The following CCSER1 variants were observed in gnomAD, a reference collection of about 807,000 sequenced individuals.
CCSER1 encodes coiled-coil serine rich protein 1.
In CCSER1, 41 loss-of-function variants were observed where a neutral mutation model predicts 82.0. The ratio of observed to expected loss-of-function variants is 0.50; its 90% CI spans 0.39 to 0.65. The LOEUF (loss-of-function observed/expected upper bound fraction) is 0.65, where lower values mean the gene tolerates loss of function less well. CCSER1 is among the 30% of genes least tolerant of loss of function. CCSER1 has a pLI of 0.00. For synonymous variants in CCSER1, 414 were observed against 383.9 expected (o/e 1.08, Z -0.92); for missense variants, 1,119 against 1,064.2 (o/e 1.05, Z -0.72).
intron 10 of CCSER1, among the ~76,000 whole-genome samples, chr4:91,212,943 A>G (rs1736942378): frequency 6.6e-6 from 1 of 151,988 alleles, no homozygotes; most frequent in South Asian, 2.1e-4. Context: ...CTTTATGTCC[A>G]TGTGTATTCA....
At chr4:90,687,407 GA>G (rs903674704) in intron 6 of CCSER1, among the ~76,000 whole-genome samples, 2 of 149,064 alleles carry the variant, frequency 1.3e-5, no homozygotes, top group African/African-American at 2.5e-5. Context: ...CTATTTACAG[GA>G]AAAAAAAATA....
At chr4:90,578,582 CAT>C (rs1468278596) in intron 5 of CCSER1, among the ~76,000 whole-genome samples, 2 of 152,152 alleles carry the variant, frequency 1.3e-5, no homozygotes. Context: ...TTTAAGGACT[CAT>C]GTGATTACAT....
chr4:91,255,437 A>G (rs1046302790), intron 10 of CCSER1, among the ~76,000 whole-genome samples: 1 of 152,184 alleles, frequency 6.6e-6, no homozygotes, highest in Non-Finnish European at 1.5e-5. Flanking sequence ...GTGTCTAACC[A>G]TTAGCATTAC....
chr4:91,181,117 A>G (rs532164590), intron 10 of CCSER1, among the ~76,000 whole-genome samples: 1 of 152,340 alleles, frequency 6.6e-6, no homozygotes, highest in African/African-American at 2.4e-5. Context: ...TGAACATGTT[A>G]CAGTGCTGCA....
At chr4:90,845,697 T>A (rs1192720622) in intron 8 of CCSER1, among the ~76,000 whole-genome samples, 1 of 152,138 alleles carries the variant, frequency 6.6e-6, no homozygotes, top group Non-Finnish European at 1.5e-5. Flanking sequence ...AATATATTTG[T>A]TAGTTAGTGC....
intron 10 of CCSER1, among the ~76,000 whole-genome samples, chr4:91,182,608 C>T (rs1325841437): frequency 6.6e-6 from 1 of 152,114 alleles, no homozygotes; most frequent in Non-Finnish European, 1.5e-5. Flanking sequence ...TTTAATATTC[C>T]ACATAGAGAA....
At chr4:91,309,304 CCAA>C (rs1745283041) in intron 10 of CCSER1, among the ~76,000 whole-genome samples, 1 of 151,888 alleles carries the variant, frequency 6.6e-6, no homozygotes, top group Non-Finnish European at 1.5e-5. Context: ...AATAAAACCA[CCAA>C]CAACAAATTC....
chr4:90,167,514 T>G (rs1730703543), intron 1 of CCSER1, among the ~76,000 whole-genome samples: 1 of 152,224 alleles, frequency 6.6e-6, no homozygotes. Context: ...AGGGTACATG[T>G]GCACAATGTG....
At chr4:91,012,058 C>T (rs372062643) in intron 9 of CCSER1, among the ~76,000 whole-genome samples, 1 of 134,904 alleles carries the variant, frequency 7.4e-6, no homozygotes, top group East Asian at 2.4e-4. Flanking sequence ...TAGGCTTCCC[C>T]AGTAGCTCAG....
chr4:90,759,725 G>T (rs967745760), intron 7 of CCSER1, among the ~76,000 whole-genome samples: 2 of 152,032 alleles, frequency 1.3e-5, no homozygotes, highest in African/African-American at 2.4e-5. Context: ...TCCCACTGTG[G>T]TTTTCACGAT....
intron 10 of CCSER1, among the ~76,000 whole-genome samples, chr4:91,171,488 C>A (rs1289409386): frequency 1.3e-5 from 2 of 152,176 alleles, no homozygotes; most frequent in Non-Finnish European, 2.9e-5. Context: ...TATTAAAAGT[C>A]ACAGAAATGT....
chr4:91,273,109 AT>A (rs912140675), intron 10 of CCSER1, among the ~76,000 whole-genome samples: 2,807 of 148,354 alleles, frequency 0.019, 94 homozygotes, highest in African/African-American at 0.065. Flanking sequence ...GAATTTTAGG[AT>A]TTTTTTTTTC....
intron 5 of CCSER1, among the ~76,000 whole-genome samples, chr4:90,521,363 G>A (rs1560652271): frequency 6.6e-6 from 1 of 152,174 alleles, no homozygotes; most frequent in African/African-American, 2.4e-5. Context: ...GGTAGGTAGA[G>A]TAAGCATTGA....
chr4:91,513,724 C>T (rs1046284065), intron 10 of CCSER1, among the ~76,000 whole-genome samples: 1 of 151,990 alleles, frequency 6.6e-6, no homozygotes, highest in African/African-American at 2.4e-5. Context: ...TATTCATTTC[C>T]TCCAGATTTT....
chr4:91,311,443 A>G (rs1745472190), intron 10 of CCSER1, among the ~76,000 whole-genome samples: 1 of 151,844 alleles, frequency 6.6e-6, no homozygotes, highest in African/African-American at 2.4e-5. Flanking sequence ...TTTTTTCCTA[A>G]TAGTAGATGC....
chr4:90,472,722 A>AGTGTACAAT (rs1338134760), intron 5 of CCSER1, among the ~76,000 whole-genome samples: 1 of 152,208 alleles, frequency 6.6e-6, no homozygotes, highest in Non-Finnish European at 1.5e-5. Context: ...ATCCAAAAAG[A>AGTGTACAAT]GTGTACAATT....
rs1722221713 is a variant in CCSER1 at position 90,250,641 on chromosome 4, A to G, written c.-41-57603A>G. Among the ~76,000 whole-genome samples, 5 of 152,042 alleles carry G rather than the reference A, an allele frequency of 3.3e-5. No individual in the cohort carries two copies. In the South Asian group the frequency reaches 1.0e-3, roughly 31 times the overall value. ...TTGGTAGTAAGTTTTGAAATTGGAAACTGTGTGTTCACTAACTTTGTTCCC... is the reference window on the plus strand; with the variant it reads ...TTGGTAGTAAGTTTTGAAATTGGAAGCTGTGTGTTCACTAACTTTGTTCCC... On this transcript the variant is annotated intron_variant, in intron 1 of 10. Coordinates refer to ENST00000509176, the MANE Select transcript of CCSER1 (RefSeq NM_001145065.2).
chr4:91,269,841 A>G (rs1437847387), intron 10 of CCSER1, among the ~76,000 whole-genome samples: 1 of 152,146 alleles, frequency 6.6e-6, no homozygotes, highest in African/African-American at 2.4e-5. Context: ...TTAGATTCCA[A>G]TTGTGTACTT....
chr4:90,535,000 G>A (rs1398941321), intron 5 of CCSER1, among the ~76,000 whole-genome samples: 1 of 152,064 alleles, frequency 6.6e-6, no homozygotes, highest in Non-Finnish European at 1.5e-5. Context: ...GTTATCTTAT[G>A]CATCTGAAAT....
Sources: gnomAD v4.1 joint callset for allele counts (sites outside exome capture counted in the v4.1 genomes callset) on GRCh38, gnomAD v4.1.1 for gene constraint, MANE v1.5 for transcripts, NCBI Gene and HGNC (gene_info 2026-07-23, HGNC 2026-07-21) for gene names.